The following CLSTN3 variants were observed in gnomAD, a reference collection of about 807,000 sequenced individuals.
CLSTN3 encodes the protein calsyntenin 3.
Under a neutral mutation model 95.9 loss-of-function variants are expected in CLSTN3, and 36 were observed. That is an observed-to-expected ratio of 0.38 (90% CI 0.29 to 0.50). The LOEUF is 0.50. CLSTN3 is among the 20% of genes least tolerant of loss of function. The pLI is 0.95. For synonymous variants in CLSTN3, 481 were observed against 504.0 expected, an observed-to-expected ratio of 0.95 and a Z score of 0.61; for missense variants, 1,084 against 1,268.8, an observed-to-expected ratio of 0.85 and a Z score of 2.21.
intron 12 of CLSTN3, among the ~76,000 whole-genome samples, chr12:7,148,729 G>A (rs952320826): frequency 2.6e-5 from 4 of 152,156 alleles, no homozygotes; most frequent in Admixed American, 2.6e-4. Flanking sequence ...CCCACAGGTT[G>A]GGATTACCTG....
intron 12 of CLSTN3, among the ~76,000 whole-genome samples, chr12:7,147,854 A>C (rs1214285971): frequency 6.6e-6 from 1 of 152,108 alleles, no homozygotes; most frequent in Non-Finnish European, 1.5e-5. Context: ...ATGAGGTTAT[A>C]ATATAATGAA....
upstream of CLSTN3, chr12:7,129,204 G>T (rs1939233341): frequency 4.1e-6 from 1 of 244,304 alleles, no homozygotes; most frequent in African/African-American, 2.2e-5. The surrounding 1 kb of genome is among the most constrained non-coding windows in gnomAD (Gnocchi z 5.5). Flanking sequence ...GGGCCTGAGG[G>T]GCAGTCTTTC....
intron 10 of CLSTN3, 86 bp downstream of exon 10, chr12:7,142,225 C>T: frequency 9.0e-7 from 1 of 1,108,558 alleles, no homozygotes; most frequent in East Asian, 2.5e-5. Context: ...AAATCCTATC[C>T]AGCCTGTGAC....
At chr12:7,142,819 C>T (rs1565651351) in intron 10 of CLSTN3, 50 bp from the exon 11 acceptor site, 1 of 1,556,172 alleles carries the variant, frequency 6.4e-7, no homozygotes, top group East Asian at 2.4e-5. Context: ...CGTCCTTTTC[C>T]ATCCTCCTCT....
chr12:7,145,283 A>G lies in CLSTN3; in HGVS notation c.1847+1972A>G, dbSNP rs534927543. On this transcript the variant is annotated intron_variant, in intron 12 of 17. Coordinates refer to ENST00000266546, the MANE Select transcript of CLSTN3 (RefSeq NM_014718.4). The stretch of plus-strand genomic sequence containing the variant: ...CAGAGTTTTCATTTCTCCATTTCTA[A>G]GGTTACTACATGGTTGGTGCTATCC... Among the ~76,000 whole-genome samples, 104 of 152,158 alleles carry G rather than the reference A, an allele frequency of 6.8e-4. 2 individuals are homozygous for G. In the South Asian group the frequency reaches 0.01, roughly 15 times the overall value.
chr12:7,131,868 G>C (rs750990189), intron 1 of CLSTN3: 13 of 456,444 alleles, frequency 2.8e-5, no homozygotes, highest in African/African-American at 1.6e-4. Context: ...CCAAAGGCTT[G>C]CTGGTGTGTG....
At chr12:7,131,119 C>T (rs1294830640) in intron 1 of CLSTN3, 15 of 328,736 alleles carry the variant, frequency 4.6e-5, no homozygotes. Context: ...GTGGCAGATC[C>T]ATCTGCTTCG....
chr12:7,134,024 A>G, intron 3 of CLSTN3: 1 of 406,918 alleles, frequency 2.5e-6, no homozygotes, highest in South Asian at 5.7e-5. Context: ...GCCTTTCTGG[A>G]CTTGCTTTTC....
Position 7,148,964 on chromosome 12 carries a change from T to C in CLSTN3, c.1848-8T>C, listed in dbSNP as rs1161284993. The stretch of plus-strand genomic sequence containing the variant: ...GTCACATGCTGCTTCTCCTGCTTTC[T>C]TACATAGGTGCTTCAGCGAAGAGTC... On this transcript the variant is annotated splice_region_variant and splice_polypyrimidine_tract_variant and intron_variant, in intron 12 of 17. Coordinates refer to ENST00000266546, the MANE Select transcript of CLSTN3 (RefSeq NM_014718.4). The C allele has an allele frequency of 6.2e-7, 1 of 1,612,936 alleles. No individual in the cohort carries two copies. Among genetic ancestry groups the C allele is most frequent in the Admixed American group, 1.7e-5 (1 of 60,012 alleles).
At chr12:7,131,685 C>T (rs1939304179) in intron 1 of CLSTN3, 3 of 439,784 alleles carry the variant, frequency 6.8e-6, no homozygotes, top group South Asian at 1.6e-5. Flanking sequence ...GTGCAGAGGG[C>T]GCCCAGCCCT....
intron 16 of CLSTN3, among the ~76,000 whole-genome samples, chr12:7,153,603 T>G (rs938705868): frequency 6.6e-6 from 1 of 152,258 alleles, no homozygotes. Flanking sequence ...TAAACCTATT[T>G]ATTTCAAATA....
intron 3 of CLSTN3, among the ~76,000 whole-genome samples, chr12:7,134,846 C>T (rs1003322606): frequency 1.3e-5 from 2 of 152,206 alleles, no homozygotes. Context: ...CTGAGCACCC[C>T]TGGGCCTTGT....
rs772841000 is a variant in CLSTN3, at chr12:7,143,213, G to A, written c.1749G>A (p.Val583=). 3.1e-6 allele frequency: 5 copies of A among 1,614,126 alleles called. No homozygotes were observed. The highest frequency in any genetic ancestry group is 3.4e-6 in the Non-Finnish European group (4 of 1,180,030). ...QSLLTLEGDD[V]ETFNHALQHV... ...TGCTCACCCTGGAGGGGGATGATGT[G>A]GAGACCTTCAACCATGCCCTGCAGC... is the stretch of plus-strand genomic sequence containing the variant. Residue 583 remains valine, a synonymous_variant, in exon 12 of 18, where the codon GTG becomes GTA. Coordinates refer to ENST00000266546, the MANE Select transcript of CLSTN3 (RefSeq NM_014718.4).
At chr12:7,132,907 A>G (rs1174889396) in intron 1 of CLSTN3, 117 bp from the exon 2 acceptor site, 2 of 1,387,402 alleles carry the variant, frequency 1.4e-6, no homozygotes, top group South Asian at 1.2e-5. Flanking sequence ...GTGCTCCTAT[A>G]GGGGGTGGAA....
chr12:7,133,968 A>G lies in CLSTN3; in HGVS notation c.383+200A>G, dbSNP rs745570433. ...GTGACAGAAACGTATAGTAGAGTTC[A>G]GTGGATCTAATCTTGGCTTTGCCTC... On this transcript the variant is annotated intron_variant, in intron 3 of 17. Transcript: ENST00000266546. This position sits in a 1 kb window ranked among gnomAD's most constrained non-coding sequence, Gnocchi z 4.7. 6 of 492,152 alleles carry G rather than the reference A, an allele frequency of 1.2e-5. No homozygotes were observed. Among genetic ancestry groups the G allele is most frequent in the Admixed American group, 1.1e-4 (3 of 26,570 alleles). The allele number at this position is 492,152 out of a possible 1,614,324, so 30.5% of individuals were successfully genotyped here.
chr12:7,147,396 C>CAAAAAAAAAAAAA (rs56109046), intron 12 of CLSTN3, among the ~76,000 whole-genome samples: 1 of 50,562 alleles, frequency 2.0e-5, no homozygotes, highest in Non-Finnish European at 3.2e-5. Flanking sequence ...GAGACTCTGC[C>CAAAAAAAAAAAAA]AAAAAAAAAA....
In CLSTN3 at chr12:7,157,445, G is replaced by A. The variant is rs1939837024; in HGVS notation, c.2528-44G>A. ...CAGCCCCCTGTCCAAGTGCCCCCAG[G>A]TGTGCCTAGTCACGCTCTGCTCACC... On this transcript the variant is annotated intron_variant, in intron 16 of 17. Transcript: ENST00000266546. The surrounding 1 kb of genome is among the most constrained non-coding windows in gnomAD (Gnocchi z 5.9). 6 of 1,503,074 alleles carry A rather than the reference G, an allele frequency of 4.0e-6. No homozygotes were observed. The highest frequency in any genetic ancestry group is 5.4e-6 in the Non-Finnish European group (6 of 1,121,066). 93.1% of individuals were successfully genotyped at this position (1,503,074 alleles called of 1,614,324 possible).
In CLSTN3 at chr12:7,141,230, C is replaced by G. The variant is rs1169019641; in HGVS notation, c.1324-12C>G. 1 of 1,612,520 alleles carries G rather than the reference C, an allele frequency of 6.2e-7. No homozygotes were observed. The highest frequency in any genetic ancestry group is 2.2e-5 in the East Asian group (1 of 44,834). ...TACCTGAGAGGCTCTTGCCCCTACC[C>G]TACTCTCCCAGGTCTGTGATGATGA... On this transcript the variant is annotated splice_polypyrimidine_tract_variant and intron_variant, in intron 8 of 17. Coordinates refer to ENST00000266546, the MANE Select transcript of CLSTN3 (RefSeq NM_014718.4). The surrounding 1 kb of genome is among the most constrained non-coding windows in gnomAD (Gnocchi z 4.1).
At position 7,135,345 on chromosome 12, in the gene CLSTN3, G is replaced by A. The variant is rs1339603548; in HGVS notation, c.402G>A (p.Arg134=). ...TATGCAGGGCCACTGTGCATGTGCGGGTCAACGATGTGAACGAGTTTGCCC... is the reference window on the plus strand; with the variant it reads ...TATGCAGGGCCACTGTGCATGTGCGAGTCAACGATGTGAACGAGTTTGCCC... ...KKSHKATVHV[R]VNDVNEFAPV... The change falls in exon 4 of 18, where the codon CGG becomes CGA. Residue 134 remains arginine, a synonymous_variant. Transcript: ENST00000266546. The A allele has an allele frequency of 9.9e-6, 16 of 1,614,064 alleles. No individual in the cohort carries two copies. Among genetic ancestry groups the A allele is most frequent in the South Asian group, 2.2e-5 (2 of 91,060 alleles).
Sources: gnomAD v4.1 joint callset for allele counts (sites outside exome capture counted in the v4.1 genomes callset) on GRCh38, gnomAD v4.1.1 for gene constraint, Gnocchi (gnomAD v3.1) non-coding constraint, MANE v1.5 for transcripts, NCBI Gene and HGNC (gene_info 2026-07-23, HGNC 2026-07-21) for gene names.